QTMAN: variants seen among roughly 807,000 people sequenced by gnomAD.
QTMAN encodes the protein queuosine-tRNA mannosyltransferase.
At chr2:144,225,847 G>C in the QTMAN span, among the ~76,000 whole-genome samples, 1 of 152,114 alleles carries the variant, frequency 6.6e-6, no homozygotes, top group Non-Finnish European at 1.5e-5. Flanking sequence ...TTATACTATA[G>C]TTATACAGTA....
At chr2:143,983,781 A>C in the QTMAN span, among the ~76,000 whole-genome samples, 3 of 152,232 alleles carry the variant, frequency 2.0e-5, no homozygotes, top group Non-Finnish European at 4.4e-5. Context: ...CCGAGGTTTT[A>C]ATGTTTACCT....
the QTMAN span, among the ~76,000 whole-genome samples, chr2:144,181,680 G>A: frequency 6.6e-6 from 1 of 151,984 alleles, no homozygotes; most frequent in African/African-American, 2.4e-5. Context: ...GTGTGGTGGT[G>A]CATGCCTGTA....
chr2:144,174,098 A>C, the QTMAN span, among the ~76,000 whole-genome samples: 1 of 152,160 alleles, frequency 6.6e-6, no homozygotes, highest in Non-Finnish European at 1.5e-5. Flanking sequence ...AACACTAACA[A>C]AGATACCTTC....
At chr2:144,327,553 A>G in the QTMAN span, among the ~76,000 whole-genome samples, 1 of 152,198 alleles carries the variant, frequency 6.6e-6, no homozygotes, top group African/African-American at 2.4e-5. Context: ...AGGCGTTCTA[A>G]CTCATGACTG....
At chr2:144,217,892 C>T in the QTMAN span, among the ~76,000 whole-genome samples, 1 of 152,188 alleles carries the variant, frequency 6.6e-6, no homozygotes, top group East Asian at 1.9e-4. Context: ...CTTGACAAAA[C>T]AATCTGTAGT....
the QTMAN span, among the ~76,000 whole-genome samples, chr2:144,109,381 C>T: frequency 1.1e-4 from 17 of 151,812 alleles, no homozygotes; most frequent in Admixed American, 3.3e-4. Context: ...TTATACCTTA[C>T]ACAAAAATTA....
At chr2:144,072,106 C>T in the QTMAN span, among the ~76,000 whole-genome samples, 1 of 152,148 alleles carries the variant, frequency 6.6e-6, no homozygotes, top group Non-Finnish European at 1.5e-5. Context: ...CATCCAAAAA[C>T]TCTGGATCAG....
the QTMAN span, among the ~76,000 whole-genome samples, chr2:144,250,213 G>A: frequency 6.8e-6 from 1 of 147,126 alleles, no homozygotes; most frequent in East Asian, 2.1e-4. Flanking sequence ...TTGGTATCTT[G>A]GCTCACCGCA....
At chr2:144,326,016 G>A in the QTMAN span, among the ~76,000 whole-genome samples, 10 of 152,120 alleles carry the variant, frequency 6.6e-5, no homozygotes, top group African/African-American at 1.4e-4. Context: ...AAAATCAGAG[G>A]TCTGTCTTCT....
At chr2:144,193,620 A>T in the QTMAN span, among the ~76,000 whole-genome samples, 1 of 151,814 alleles carries the variant, frequency 6.6e-6, no homozygotes, top group Non-Finnish European at 1.5e-5. Context: ...TCCTGGGCTC[A>T]AGTGATCGTC....
At chr2:144,158,367 T>C in the QTMAN span, among the ~76,000 whole-genome samples, 268 of 152,038 alleles carry the variant, frequency 1.8e-3, 3 homozygotes, top group African/African-American at 6.1e-3. Flanking sequence ...GTGTAGAAGA[T>C]AGAATAAATA....
chr2:144,042,062 T>C, the QTMAN span, among the ~76,000 whole-genome samples: 1 of 152,182 alleles, frequency 6.6e-6, no homozygotes, highest in Non-Finnish European at 1.5e-5. Flanking sequence ...GCAAAAATGC[T>C]ATAGACAATT....
chr2:144,138,358 A>C, the QTMAN span, among the ~76,000 whole-genome samples: 1 of 152,050 alleles, frequency 6.6e-6, no homozygotes, highest in African/African-American at 2.4e-5. Flanking sequence ...AACTCTTTTA[A>C]GGTTTTGCTA....
chr2:143,955,925 A>T, the QTMAN span, among the ~76,000 whole-genome samples: 3 of 152,222 alleles, frequency 2.0e-5, no homozygotes, highest in African/African-American at 7.2e-5. Context: ...AAGGATTGCA[A>T]AACACTAAGT....
the QTMAN span, among the ~76,000 whole-genome samples, chr2:144,331,836 A>C: frequency 6.6e-6 from 1 of 152,138 alleles, no homozygotes; most frequent in African/African-American, 2.4e-5. Context: ...GGGTCTTCAC[A>C]CTCGGCTGGC....
the QTMAN span, among the ~76,000 whole-genome samples, chr2:144,285,798 G>GAAATAAGAGAATATAGATA: frequency 6.6e-6 from 1 of 152,118 alleles, no homozygotes; most frequent in Admixed American, 6.6e-5. Context: ...TCTGAGGCCG[G>GAAATAAGAGAATATAGATA]AAATAAGAGA....
At chr2:144,076,471 A>G in the QTMAN span, among the ~76,000 whole-genome samples, 1 of 152,170 alleles carries the variant, frequency 6.6e-6, no homozygotes, top group African/African-American at 2.4e-5. Context: ...TGGTCACATT[A>G]AGGACATATG....
chr2:144,303,617 A>C, the QTMAN span, among the ~76,000 whole-genome samples: 21 of 152,352 alleles, frequency 1.4e-4, no homozygotes, highest in East Asian at 3.8e-3. Context: ...TAAAACACTT[A>C]GATACATGCA....
At chr2:144,073,807 G>A in the QTMAN span, among the ~76,000 whole-genome samples, 1 of 152,144 alleles carries the variant, frequency 6.6e-6, no homozygotes, top group East Asian at 1.9e-4. Flanking sequence ...GGAGAACTTA[G>A]GACAAAAATT....
Sources: allele counts gnomAD v4.1 joint callset (sites outside exome capture counted in the v4.1 genomes callset), GRCh38; gene constraint gnomAD v4.1.1; transcripts MANE v1.5; gene names NCBI Gene and HGNC (gene_info 2026-07-23, HGNC 2026-07-21).